Variants in HOPX observed in about 807,000 individuals in gnomAD.
HOPX encodes homeodomain-only protein.
Under a neutral mutation model 11.8 loss-of-function variants are expected in HOPX, and 5 were observed. That is an observed-to-expected ratio of 0.43 (90% CI 0.22 to 0.89). The LOEUF (loss-of-function observed/expected upper bound fraction) is 0.89. HOPX is among the 40% of genes least tolerant of loss of function. HOPX has a pLI of 0.28. For missense variants in HOPX, 119 were observed against 120.0 expected (o/e 0.99, Z 0.04); for synonymous variants, 49 against 49.7 (o/e 0.99, Z 0.06).
At chr4:56,648,938 G>A (rs1716902388) in intron 3 of HOPX, 141 bp from the exon 4 acceptor site, 10 of 587,020 alleles carry the variant, frequency 1.7e-5, no homozygotes, top group Non-Finnish European at 3.0e-5. Context: ...TTCTCACTGT[G>A]ACACTAAACT....
chr4:56,655,889 C>A lies in HOPX; in HGVS notation c.166G>T (p.Ala56Ser), dbSNP rs1397104135. ...TCCTCCTCGGAAAGGCCTGCCTCGGCCGCGATGAGGCACAGCGTGGTGGAA... is the reference window on the plus strand; with the variant it reads ...TCCTCCTCGGAAAGGCCTGCCTCGGACGCGATGAGGCACAGCGTGGTGGAA... ...PDSTTLCLIAAEAGLSEEETQ... is the reference protein window; with the variant it reads ...PDSTTLCLIASEAGLSEEETQ... Residue 56 changes from alanine to serine, a missense_variant, in exon 3 of 4, where the codon GCC becomes TCC. By Grantham distance (99) the Ala-to-Ser change is moderately conservative (BLOSUM62 1). Coordinates refer to ENST00000420433, the MANE Select transcript of HOPX (RefSeq NM_032495.6). 1.2e-6 allele frequency: 2 copies of A among 1,611,828 alleles called. No homozygotes were observed. Among genetic ancestry groups the A allele is most frequent in the African/African-American group, 2.7e-5 (2 of 74,904 alleles).
At chr4:56,674,982 GT>G (rs1718935244) in intron 1 of HOPX, among the ~76,000 whole-genome samples, 1 of 149,708 alleles carries the variant, frequency 6.7e-6, no homozygotes, top group African/African-American at 2.5e-5. Context: ...GCCTTGCAAA[GT>G]GCTGGGATTA....
At chr4:56,678,029 A>G (rs191539338) in intron 1 of HOPX, among the ~76,000 whole-genome samples, 1 of 151,648 alleles carries the variant, frequency 6.6e-6, no homozygotes, top group Non-Finnish European at 1.5e-5. Flanking sequence ...CATTAGCACA[A>G]TCCTTTAATA....
At chr4:56,676,784 G>A (rs371115929) in intron 1 of HOPX, among the ~76,000 whole-genome samples, 3 of 151,542 alleles carry the variant, frequency 2.0e-5, no homozygotes, top group East Asian at 1.9e-4. Flanking sequence ...TCTGGGCTCC[G>A]ACTGCCTGCA....
At chr4:56,669,595 A>T (rs2109534326) in intron 1 of HOPX, among the ~76,000 whole-genome samples, 1 of 151,852 alleles carries the variant, frequency 6.6e-6, no homozygotes, top group African/African-American at 2.4e-5. Context: ...GGAGGCAGAG[A>T]TTGTAGTGAG....
intron 3 of HOPX, among the ~76,000 whole-genome samples, chr4:56,654,574 G>A (rs1717499682): frequency 6.6e-6 from 1 of 152,174 alleles, no homozygotes; most frequent in South Asian, 2.1e-4. Flanking sequence ...TTAAGTTCTG[G>A]TTCTGGTTGG....
intron 3 of HOPX, among the ~76,000 whole-genome samples, chr4:56,652,543 C>T (rs1717306153): frequency 6.6e-6 from 1 of 152,106 alleles, no homozygotes. Flanking sequence ...TGCGATGGCT[C>T]ATGCTTGTAA....
In HOPX at chr4:56,648,874, C is replaced by T. The variant is rs1022420616; in HGVS notation, c.199-77G>A. ...TGCCTGTTCCCTTTCTAAAAGGTAGCCTCTGTGGCACAAGTGGAAAGGAGA... is the reference window on the plus strand; with the variant it reads ...TGCCTGTTCCCTTTCTAAAAGGTAGTCTCTGTGGCACAAGTGGAAAGGAGA... On this transcript the variant is annotated intron_variant, in intron 3 of 3. Transcript: ENST00000420433. 9.8e-6 allele frequency: 11 copies of T among 1,118,272 alleles called. No homozygotes were observed. The Admixed American group carries it at 1.8e-4, about 19-fold the overall frequency. The allele number at this position is 1,118,272 out of a possible 1,614,324, so 69.3% of individuals were successfully genotyped here.
At chr4:56,670,948 G>C (rs1718700952) in intron 1 of HOPX, among the ~76,000 whole-genome samples, 1 of 150,942 alleles carries the variant, frequency 6.6e-6, no homozygotes, top group African/African-American at 2.4e-5. Flanking sequence ...AATGAGCCGA[G>C]ATTGTGCCGT....
At position 56,657,760 on chromosome 4, in the gene HOPX, A is replaced by G. The variant is rs1223499914; in HGVS notation, c.42+15T>C. On this transcript the variant is annotated intron_variant, in intron 2 of 3. Transcript: ENST00000420433. Reference sequence around the variant, plus strand: ...GACACACAACTTCAGAGCTGGGAAGAACCTTGGAAATTACCTCTTCCAGTC... The same window carrying G: ...GACACACAACTTCAGAGCTGGGAAGGACCTTGGAAATTACCTCTTCCAGTC... 1 of 1,047,542 alleles carries G rather than the reference A, an allele frequency of 9.5e-7. No individual in the cohort carries two copies. Among genetic ancestry groups the G allele is most frequent in the African/African-American group, 1.6e-5 (1 of 63,344 alleles). The allele number at this position is 1,047,542 out of a possible 1,614,324, so 64.9% of individuals were successfully genotyped here. A position where few individuals can be genotyped will look rare whatever the true frequency, so the allele number is the denominator to read the frequency against.
chr4:56,678,660 G>A (rs1719154648), intron 1 of HOPX: 1 of 151,938 alleles, frequency 6.6e-6, no homozygotes, highest in South Asian at 2.1e-4. Flanking sequence ...TGGTCAAGCT[G>A]GTCTCGAACT....
Position 56,648,683 on chromosome 4 carries a change from C to T in HOPX, c.*37G>A, listed in dbSNP as rs377461072. ...AAGCGGAGGAGAGAAACAGAGATGG[C>T]CTTCATGGAGTGAAGCTGTCAATGC... On this transcript the variant is annotated 3_prime_UTR_variant, in exon 4 of 4. Transcript: ENST00000420433. The T allele has an allele frequency of 6.9e-6, 10 of 1,457,976 alleles. No homozygotes were observed. The highest frequency in any genetic ancestry group is 5.6e-5 in the African/African-American group (4 of 71,994). The allele number at this position is 1,457,976 out of a possible 1,614,324, so 90.3% of individuals were successfully genotyped here.
intron 1 of HOPX, chr4:56,663,302 T>G (rs4428344): frequency 0.8 from 122,222 of 152,064 alleles, 49,804 homozygotes; most frequent in African/African-American, 0.95. Flanking sequence ...TATACTTGAA[T>G]TCATGCCATT....
chr4:56,677,976 G>T (rs1001893487), intron 1 of HOPX, among the ~76,000 whole-genome samples: 2 of 151,360 alleles, frequency 1.3e-5, no homozygotes, highest in Non-Finnish European at 2.9e-5. Flanking sequence ...GATATTAATC[G>T]GGAAAAAAAG....
chr4:56,660,256 G>A (rs6840017), intron 1 of HOPX, among the ~76,000 whole-genome samples: 50,076 of 151,952 alleles, frequency 0.33, 8,625 homozygotes, highest in Middle Eastern at 0.43. Context: ...TACTATTTAT[G>A]TACAAAACAT....
upstream of HOPX, chr4:56,681,610 G>C (rs1048103582): frequency 1.0e-6 from 1 of 999,950 alleles, no homozygotes; most frequent in Non-Finnish European, 1.2e-6. Flanking sequence ...GAGAAGACGG[G>C]GAAGAGAAAA....
At chr4:56,675,763 T>C (rs1407769728) in intron 1 of HOPX, among the ~76,000 whole-genome samples, 2 of 151,696 alleles carry the variant, frequency 1.3e-5, no homozygotes, top group African/African-American at 4.9e-5. Context: ...GAGCCTTCCA[T>C]TTGCAGCATC....
At chr4:56,676,069 G>C (rs1040766964) in intron 1 of HOPX, among the ~76,000 whole-genome samples, 2 of 151,664 alleles carry the variant, frequency 1.3e-5, no homozygotes, top group Non-Finnish European at 2.9e-5. Context: ...GGCCAAGGTG[G>C]ACAGATCGTT....
intron 3 of HOPX, 108 bp from the exon 4 acceptor site, chr4:56,648,905 A>C: frequency 2.5e-6 from 2 of 807,224 alleles, no homozygotes; most frequent in Non-Finnish European, 4.0e-6. Flanking sequence ...GGAGAGAATC[A>C]AGGAATGTTC....
Sources: allele counts gnomAD v4.1 joint callset (sites outside exome capture counted in the v4.1 genomes callset), GRCh38; gene constraint gnomAD v4.1.1; transcripts MANE v1.5; gene names NCBI Gene and HGNC (gene_info 2026-07-23, HGNC 2026-07-21).